BRINP3: variants seen among roughly 807,000 people sequenced by gnomAD.
BRINP3 encodes the protein BMP/retinoic acid-inducible neural-specific protein 3.
In BRINP3, 19 loss-of-function variants were observed where a neutral mutation model predicts 71.0. The ratio of observed to expected loss-of-function variants is 0.27; its 90% CI spans 0.19 to 0.39. The LOEUF is 0.39. Among genes scored for constraint, BRINP3 ranks in the 10% least tolerant of loss-of-function variants. BRINP3 has a pLI of 1.00. For synonymous variants in BRINP3, 380 were observed against 337.7 expected, an observed-to-expected ratio of 1.13 and a Z score of -1.37; for missense variants, 959 against 940.8, an observed-to-expected ratio of 1.02 and a Z score of -0.25.
chr1:190,231,492 G>T (rs899780203), intron 5 of BRINP3, among the ~76,000 whole-genome samples: 1 of 151,496 alleles, frequency 6.6e-6, no homozygotes, highest in African/African-American at 2.4e-5. Flanking sequence ...CTCAAGGTCT[G>T]CCAATTTTAC....
At chr1:190,157,518 C>A (rs1009662233) in intron 7 of BRINP3, among the ~76,000 whole-genome samples, 2 of 152,040 alleles carry the variant, frequency 1.3e-5, no homozygotes, top group African/African-American at 4.8e-5. Flanking sequence ...AAGTCAATGT[C>A]TTTATAACCA....
intron 2 of BRINP3, among the ~76,000 whole-genome samples, chr1:190,333,496 C>G (rs1667093333): frequency 6.6e-6 from 1 of 151,686 alleles, no homozygotes; most frequent in South Asian, 2.1e-4. Flanking sequence ...TAACATCAAA[C>G]TAAATATGCA....
chr1:190,187,980 T>A (rs1042052769), intron 6 of BRINP3, among the ~76,000 whole-genome samples: 1 of 152,198 alleles, frequency 6.6e-6, no homozygotes, highest in South Asian at 2.1e-4. Flanking sequence ...AGTATGGACA[T>A]TTTAACAATA....
intron 4 of BRINP3, among the ~76,000 whole-genome samples, chr1:190,238,364 ACT>A (rs998595481): frequency 6.6e-6 from 1 of 151,956 alleles, no homozygotes; most frequent in African/African-American, 2.4e-5. Context: ...TTCACTACAT[ACT>A]CTGTTTTTTA....
At chr1:190,329,628 T>C (rs1666836167) in intron 2 of BRINP3, among the ~76,000 whole-genome samples, 1 of 151,940 alleles carries the variant, frequency 6.6e-6, no homozygotes, top group Non-Finnish European at 1.5e-5. Flanking sequence ...ATTATTTTTT[T>C]CACAGAATTA....
intron 7 of BRINP3, 86 bp downstream of exon 7, chr1:190,160,582 A>G: frequency 9.3e-7 from 1 of 1,070,892 alleles, no homozygotes; most frequent in Non-Finnish European, 1.4e-6. Flanking sequence ...TGATTTGTAT[A>G]TTAACACACC....
intron 2 of BRINP3, among the ~76,000 whole-genome samples, chr1:190,334,759 G>T (rs1476906317): frequency 6.6e-6 from 1 of 151,764 alleles, no homozygotes; most frequent in Non-Finnish European, 1.5e-5. Context: ...TCTATAGATT[G>T]CAGGGTATTG....
chr1:190,187,899 TTC>T (rs1553256090), intron 6 of BRINP3, among the ~76,000 whole-genome samples: 1 of 151,956 alleles, frequency 6.6e-6, no homozygotes, highest in African/African-American at 2.4e-5. Context: ...CAGTTTTTTT[TTC>T]TATTTTTTTT....
chr1:190,209,475 C>T (rs1655799275), intron 6 of BRINP3, among the ~76,000 whole-genome samples: 1 of 152,072 alleles, frequency 6.6e-6, no homozygotes, highest in African/African-American at 2.4e-5. Flanking sequence ...TTTTCTCAAG[C>T]TTCCTTTATC....
chr1:190,140,645 A>G (rs1358532913), intron 7 of BRINP3, among the ~76,000 whole-genome samples: 2 of 152,210 alleles, frequency 1.3e-5, no homozygotes, highest in African/African-American at 2.4e-5. Flanking sequence ...ACTTTAATAA[A>G]ATGTTAAAAT....
At chr1:190,223,684 G>T (rs998097234) in intron 6 of BRINP3, among the ~76,000 whole-genome samples, 1 of 151,726 alleles carries the variant, frequency 6.6e-6, no homozygotes, top group Admixed American at 6.6e-5. Context: ...AGAACAAGTA[G>T]GGAAAAGAAC....
chr1:190,118,760 T>G (rs1437192467), intron 7 of BRINP3, among the ~76,000 whole-genome samples: 1 of 152,136 alleles, frequency 6.6e-6, no homozygotes, highest in Non-Finnish European at 1.5e-5. Context: ...AAAACATCAA[T>G]CAATTGTAAA....
intron 2 of BRINP3, among the ~76,000 whole-genome samples, chr1:190,314,904 A>G (rs942770290): frequency 2.0e-5 from 3 of 152,164 alleles, no homozygotes; most frequent in African/African-American, 7.2e-5. Flanking sequence ...AGGTAAAACA[A>G]AAACAAGAAG....
intron 2 of BRINP3, among the ~76,000 whole-genome samples, chr1:190,411,256 A>G (rs534134215): frequency 6.6e-6 from 1 of 152,248 alleles, no homozygotes; most frequent in East Asian, 1.9e-4. Context: ...TAGGAAGAAA[A>G]AAGAAGGAAA....
At chr1:190,318,887 T>C (rs1183482621) in intron 2 of BRINP3, among the ~76,000 whole-genome samples, 4 of 152,124 alleles carry the variant, frequency 2.6e-5, no homozygotes, top group East Asian at 1.9e-4. Context: ...TAGTATGTAA[T>C]AACAAAGCGC....
At chr1:190,466,692 A>C (rs1171513290) in intron 1 of BRINP3, among the ~76,000 whole-genome samples, 1 of 151,646 alleles carries the variant, frequency 6.6e-6, no homozygotes, top group African/African-American at 2.4e-5. Context: ...TTCAATTCAC[A>C]TGGTAACAAT....
chr1:190,455,013 T>A, intron 1 of BRINP3, 73 bp from the exon 2 acceptor site: 1 of 649,216 alleles, frequency 1.5e-6, no homozygotes, highest in Non-Finnish European at 2.6e-6. Flanking sequence ...TTGAGGTGGC[T>A]AATTTTAAAT....
At chr1:190,232,937 G>A (rs1035862381) in intron 5 of BRINP3, among the ~76,000 whole-genome samples, 10 of 152,034 alleles carry the variant, frequency 6.6e-5, no homozygotes, top group Non-Finnish European at 1.3e-4. Context: ...ATTTCAATTA[G>A]AGAAAATGTT....
chr1:190,361,795 C>T (rs150179455), intron 2 of BRINP3, among the ~76,000 whole-genome samples: 7 of 152,262 alleles, frequency 4.6e-5, no homozygotes, highest in African/African-American at 1.7e-4. Flanking sequence ...CGGCTACATG[C>T]AAACTTCATC....
Sources: allele counts gnomAD v4.1 joint callset (sites outside exome capture counted in the v4.1 genomes callset), GRCh38; gene constraint gnomAD v4.1.1; transcripts MANE v1.5; gene names NCBI Gene and HGNC (gene_info 2026-07-23, HGNC 2026-07-21).